The following DDIT4L variants were observed in gnomAD, a reference collection of about 807,000 sequenced individuals.
DDIT4L encodes the protein DNA damage inducible transcript 4 like.
DDIT4L carries 13 observed loss-of-function variants against 15.9 expected under a neutral mutation model. That is an observed-to-expected ratio of 0.82 (90% confidence interval 0.53 to 1.30). DDIT4L has a LOEUF of 1.30. Among genes scored for constraint, DDIT4L ranks in the 50% most tolerant of loss-of-function variants. DDIT4L has a pLI of 0.00. For synonymous variants in DDIT4L, 82 were observed against 85.4 expected, an observed-to-expected ratio of 0.96 and a Z score of 0.22; for missense variants, 235 against 224.8, an observed-to-expected ratio of 1.05 and a Z score of -0.29.
At chr4:100,189,061 T>A (rs1398994694) in intron 2 of DDIT4L, among the ~76,000 whole-genome samples, 1 of 152,264 alleles carries the variant, frequency 6.6e-6, no homozygotes, top group Non-Finnish European at 1.5e-5. Context: ...TACTCCACCT[T>A]CATCAGCCAC....
intron 2 of DDIT4L, 85 bp downstream of exon 2, chr4:100,189,808 G>A: frequency 7.9e-7 from 1 of 1,270,862 alleles, no homozygotes; most frequent in Non-Finnish European, 1.1e-6. Flanking sequence ...TAGAGGTAGG[G>A]GAGGAAGTCG....
In DDIT4L at chr4:100,189,985, G is replaced by A. The variant is rs1185836464; in HGVS notation, c.-2C>T. Reference sequence around the variant, plus strand: ...GCTCAAACTGCCAGTTGCAACCATGGTCAACGGCTCTGTTTCCTTCGCGAG... The same window carrying A: ...GCTCAAACTGCCAGTTGCAACCATGATCAACGGCTCTGTTTCCTTCGCGAG... On this transcript the variant is annotated 5_prime_UTR_variant, in exon 2 of 3. Transcript: ENST00000273990. 1 of 1,613,890 alleles carries A rather than the reference G, an allele frequency of 6.2e-7. No homozygotes were observed. Among genetic ancestry groups the A allele is most frequent in the Admixed American group, 1.7e-5 (1 of 60,002 alleles).
intron 2 of DDIT4L, among the ~76,000 whole-genome samples, chr4:100,189,393 T>C (rs913860776): frequency 3.9e-5 from 6 of 152,036 alleles, no homozygotes; most frequent in African/African-American, 1.4e-4. Flanking sequence ...CATAAAAGAA[T>C]CTCAAAAACA....
chr4:100,188,211 T>A, intron 2 of DDIT4L, 44 bp from the exon 3 acceptor site: 1 of 1,557,522 alleles, frequency 6.4e-7, no homozygotes, highest in Non-Finnish European at 8.6e-7. Flanking sequence ...AAGAAAAAAT[T>A]TAAGAGTAGA....
At chr4:100,188,220 GA>G (rs1272359525) in intron 2 of DDIT4L, 53 bp from the exon 3 acceptor site, 9 of 1,532,434 alleles carry the variant, frequency 5.9e-6, no homozygotes, top group Middle Eastern at 1.7e-4. Context: ...TTTAAGAGTA[GA>G]AAAAAAACAC....
rs1294390289 is a variant in DDIT4L at position 100,189,883 on chromosome 4, G to A, written c.91+10C>T. 1 of 1,613,276 alleles carries A rather than the reference G, an allele frequency of 6.2e-7. No homozygotes were observed. ...GGGAGGGGAGAAGGGTGGACAGCGG[G>A]GACACTCACCACTTAGCAGGCTCTC... is the stretch of plus-strand genomic sequence containing the variant. On this transcript the variant is annotated intron_variant, in intron 2 of 2. Coordinates refer to ENST00000273990, the MANE Select transcript of DDIT4L (RefSeq NM_145244.4).
rs1173806728 is a variant in DDIT4L, at chr4:100,186,483, C to T, written c.*1194G>A. On this transcript the variant is annotated 3_prime_UTR_variant, in exon 3 of 3. Coordinates refer to ENST00000273990, the MANE Select transcript of DDIT4L (RefSeq NM_145244.4). ...AAAAAAGGAAAGAGATAATGATCTA[C>T]TTAGTTGGAATAAGACAAAAAATCA... The T allele has an allele frequency of 6.6e-6, 1 of 152,104 alleles. No homozygotes were observed. The highest frequency in any genetic ancestry group is 2.4e-5 in the African/African-American group (1 of 41,398). 9.4% of individuals were successfully genotyped at this position (152,104 alleles called of 1,614,324 possible). A position where few individuals can be genotyped will look rare whatever the true frequency, so the allele number is the denominator to read the frequency against.
In DDIT4L at chr4:100,187,716, A is replaced by T; in HGVS notation, c.543T>A (p.Leu181=). ...SSGFRLVKKK[L]YSLIGTTVIE... ...TCACTGTTGTTCCAATCAGTGAGTA[A>T]AGTTTTTTCTTAACAAGTCGAAATC... The change falls in exon 3 of 3, where the codon CTT becomes CTA. Residue 181 remains leucine (L), a synonymous_variant. Coordinates refer to ENST00000273990, the MANE Select transcript of DDIT4L (RefSeq NM_145244.4). 1.2e-6 allele frequency: 2 copies of T among 1,607,922 alleles called. No individual in the cohort carries two copies. The highest frequency in any genetic ancestry group is 1.1e-5 in the South Asian group (1 of 89,540).
chr4:100,188,503 A>G (rs551526487), intron 2 of DDIT4L, among the ~76,000 whole-genome samples: 1 of 152,292 alleles, frequency 6.6e-6, no homozygotes, highest in East Asian at 1.9e-4. Context: ...ATTATCCCAG[A>G]TTATTGGTGA....
In DDIT4L at chr4:100,190,041, A is replaced by C; in HGVS notation, c.-49-9T>G. The C allele has an allele frequency of 6.5e-7, 1 of 1,543,142 alleles. No individual in the cohort carries two copies. Among genetic ancestry groups the C allele is most frequent in the Non-Finnish European group, 8.9e-7 (1 of 1,117,478 alleles). On this transcript the variant is annotated splice_polypyrimidine_tract_variant and intron_variant, in intron 1 of 2. Transcript: ENST00000273990. Reference sequence around the variant, plus strand: ...ACGGCCTTTCCTGAGCGCTGGAAAAAATGAGGCGAGAAGAGACGGATTTGC... The same window carrying C: ...ACGGCCTTTCCTGAGCGCTGGAAAACATGAGGCGAGAAGAGACGGATTTGC...
At position 100,187,814 on chromosome 4, in the gene DDIT4L, T is replaced by G. The variant is rs1176163045; in HGVS notation, c.445A>C (p.Ser149Arg). ...CTACTAAAGAAAAAGTCCCTGAAGCTAGTCCATGAGCAGTTCTCCTGCTTA... is the reference window on the plus strand; with the variant it reads ...CTACTAAAGAAAAAGTCCCTGAAGCGAGTCCATGAGCAGTTCTCCTGCTTA... Reference protein sequence around the residue: ...VFKQENCSWTSFRDFFFSRGR... With the variant: ...VFKQENCSWTRFRDFFFSRGR... The change falls in exon 3 of 3, where the codon AGC (serine) becomes CGC (arginine). Residue 149 changes from serine (S) to arginine (R), a missense_variant. By Grantham distance (110) the Ser-to-Arg change is moderately radical. Coordinates refer to ENST00000273990, the MANE Select transcript of DDIT4L (RefSeq NM_145244.4). 6.2e-7 allele frequency: 1 copy of G among 1,613,608 alleles called. No individual in the cohort carries two copies. Among genetic ancestry groups the G allele is most frequent in the Non-Finnish European group, 8.5e-7 (1 of 1,179,958 alleles).
Position 100,187,454 on chromosome 4 carries a change from G to T in DDIT4L, c.*223C>A, listed in dbSNP as rs190958667. ...ATCCCATTCAATTCTGTACAAAAATGGGATCTATGCAGAAAATCTACACTA... is the reference window on the plus strand; with the variant it reads ...ATCCCATTCAATTCTGTACAAAAATTGGATCTATGCAGAAAATCTACACTA... On this transcript the variant is annotated 3_prime_UTR_variant, in exon 3 of 3. Transcript: ENST00000273990. The T allele has an allele frequency of 2.4e-5, 11 of 460,536 alleles. No homozygotes were observed. The Admixed American group carries it at 4.4e-4, about 18-fold the overall frequency. 28.5% of individuals were successfully genotyped at this position (460,536 alleles called of 1,614,324 possible). A position where few individuals can be genotyped will look rare whatever the true frequency, so the allele number is the denominator to read the frequency against.
chr4:100,188,760 A>G (rs1269916892), intron 2 of DDIT4L, among the ~76,000 whole-genome samples: 1 of 152,224 alleles, frequency 6.6e-6, no homozygotes, highest in Non-Finnish European at 1.5e-5. Context: ...TCTTTACTGG[A>G]GTGGCCTGTA....
intron 2 of DDIT4L, among the ~76,000 whole-genome samples, chr4:100,188,396 T>C (rs1295607736): frequency 2.0e-5 from 3 of 152,310 alleles, no homozygotes; most frequent in Admixed American, 2.0e-4. Context: ...TTTAGATAAA[T>C]AGAGTAGATA....
At chr4:100,189,854 C>A in intron 2 of DDIT4L, 39 bp downstream of exon 2, 4 of 1,601,378 alleles carry the variant, frequency 2.5e-6, no homozygotes, top group Non-Finnish European at 3.4e-6. Context: ...GAGGCACCGA[C>A]CTTGGGAGGG....
rs201322046 is a variant in DDIT4L at position 100,189,911 on chromosome 4, G to T, written c.73C>A (p.Pro25Thr). 6.2e-7 allele frequency: 1 copy of T among 1,614,034 alleles called. No homozygotes were observed. ...ISELLDCGYH[P>T]ESLLSDFDYW... ...CACTCACCACTTAGCAGGCTCTCTG[G>T]GTGATAGCCACAGTCCAGCAATTCT... is the stretch of plus-strand genomic sequence containing the variant. Residue 25 changes from proline to threonine, a missense_variant, in exon 2 of 3, where the codon CCA (proline) becomes ACA (threonine). Transcript: ENST00000273990.
chr4:100,188,187 CTTTTTA>C lies in DDIT4L; in HGVS notation c.92-26_92-21del, dbSNP rs1449211093. On this transcript the variant is annotated intron_variant, in intron 2 of 2. Coordinates refer to ENST00000273990, the MANE Select transcript of DDIT4L (RefSeq NM_145244.4). ...CAAAATCTGTAAGAAATGGAGTTTTCTTTTTAGATACAGAAGAAAAAATTTAAGAGT... is the reference window on the plus strand; with the variant it reads ...CAAAATCTGTAAGAAATGGAGTTTTCGATACAGAAGAAAAAATTTAAGAGT... 1.3e-6 allele frequency: 2 copies of C among 1,572,976 alleles called. No individual in the cohort carries two copies. The highest frequency in any genetic ancestry group is 1.7e-6 in the Non-Finnish European group (2 of 1,172,714).
chr4:100,190,047 GC>G lies in DDIT4L; in HGVS notation c.-49-16del. 2 of 1,512,260 alleles carry G rather than the reference GC, an allele frequency of 1.3e-6. No homozygotes were observed. The highest frequency in any genetic ancestry group is 9.2e-7 in the Non-Finnish European group (1 of 1,090,754). The allele number at this position is 1,512,260 out of a possible 1,614,324, so 93.7% of individuals were successfully genotyped here. On this transcript the variant is annotated splice_polypyrimidine_tract_variant and intron_variant, in intron 1 of 2. Transcript: ENST00000273990. ...TTTCCTGAGCGCTGGAAAAAATGAG[GC>G]GAGAAGAGACGGATTTGCAAAAGCA...
At position 100,190,000 on chromosome 4, in the gene DDIT4L, T is replaced by C; in HGVS notation, c.-17A>G. The C allele has an allele frequency of 6.2e-7, 1 of 1,613,286 alleles. No individual in the cohort carries two copies. ...TGCAACCATGGTCAACGGCTCTGTT[T>C]CCTTCGCGAGGCGCAACGGCCTTTC... On this transcript the variant is annotated 5_prime_UTR_variant, in exon 2 of 3. Coordinates refer to ENST00000273990, the MANE Select transcript of DDIT4L (RefSeq NM_145244.4).
Sources: allele counts gnomAD v4.1 joint callset (sites outside exome capture counted in the v4.1 genomes callset), GRCh38; gene constraint gnomAD v4.1.1; transcripts MANE v1.5; gene names NCBI Gene and HGNC (gene_info 2026-07-23, HGNC 2026-07-21).